The following ICA1 variants were observed in gnomAD, a reference collection of about 807,000 sequenced individuals.
ICA1 encodes islet cell autoantigen 1, also known as 69 kDa islet cell autoantigen.
Under a neutral mutation model 71.0 loss-of-function variants are expected in ICA1, and 40 were observed. That is an observed-to-expected ratio of 0.56 (90% CI 0.44 to 0.73). ICA1 has a LOEUF of 0.73. ICA1 is among the 30% of genes least tolerant of loss of function. The probability of loss-of-function intolerance (pLI) is 0.00; values close to 1 mark genes in which losing one functional copy is unlikely to be tolerated. For synonymous variants in ICA1, 207 were observed against 209.5 expected, an observed-to-expected ratio of 0.99 and a Z score of 0.10; for missense variants, 578 against 576.5, an observed-to-expected ratio of 1.00 and a Z score of -0.03.
intron 1 of ICA1, among the ~76,000 whole-genome samples, chr7:8,242,416 G>A (rs1804299586): frequency 6.6e-6 from 1 of 152,144 alleles, no homozygotes. Context: ...ATTTAAAGCA[G>A]TGTATAGAGG....
At chr7:8,152,901 A>C (rs1800040942) in intron 8 of ICA1, among the ~76,000 whole-genome samples, 1 of 67,846 alleles carries the variant, frequency 1.5e-5, no homozygotes, top group Non-Finnish European at 3.2e-5. Flanking sequence ...TACCACCATT[A>C]TCTCCTTCAT....
chr7:8,152,812 C>CCACCACCAT (rs1799850611), intron 8 of ICA1, among the ~76,000 whole-genome samples: 1 of 137,760 alleles, frequency 7.3e-6, no homozygotes, highest in Non-Finnish European at 1.6e-5. Flanking sequence ...ACCACCACCA[C>CCACCACCAT]CATCTCCTTC....
chr7:8,166,485 T>C (rs1329403518), intron 6 of ICA1, among the ~76,000 whole-genome samples: 1 of 152,074 alleles, frequency 6.6e-6, no homozygotes. Context: ...CATACAAAAA[T>C]ATCAACTCAA....
intron 13 of ICA1, 48 bp downstream of exon 13, chr7:8,127,825 A>G (rs1000903745): frequency 2.6e-6 from 4 of 1,531,354 alleles, no homozygotes; most frequent in South Asian, 2.5e-5. Context: ...TTGAAAACAA[A>G]AAGAATGAAC....
At chr7:8,179,964 C>A (rs546052070) in intron 6 of ICA1, among the ~76,000 whole-genome samples, 2 of 152,140 alleles carry the variant, frequency 1.3e-5, no homozygotes, top group South Asian at 2.1e-4. Flanking sequence ...GTAAGCTCTA[C>A]GACTCTATTC....
intron 5 of ICA1, among the ~76,000 whole-genome samples, chr7:8,220,108 AT>A (rs1360115578): frequency 6.6e-6 from 1 of 152,200 alleles, no homozygotes; most frequent in African/African-American, 2.4e-5. Context: ...ATGAATATGT[AT>A]TTTTACATAG....
rs557182585 is a variant in ICA1 at position 8,222,026 on chromosome 7, T to C, written c.257-628A>G. Among the ~76,000 whole-genome samples the C allele has an allele frequency of 6.6e-5, 10 of 152,126 alleles. No homozygotes were observed. The highest frequency in any genetic ancestry group is 2.1e-4 in the South Asian group (1 of 4,826). On this transcript the variant is annotated intron_variant, in intron 4 of 13. Coordinates refer to ENST00000402384, the MANE Select transcript of ICA1 (RefSeq NM_001136020.3). The surrounding 1 kb of genome is among the most constrained non-coding windows in gnomAD (Gnocchi z 4.8). ...TTAAAGACAACCTCAGATGGTATTATTGGTGGGTAAGTGATTTGGTGCAAG... is the reference window on the plus strand; with the variant it reads ...TTAAAGACAACCTCAGATGGTATTACTGGTGGGTAAGTGATTTGGTGCAAG...
intron 1 of ICA1, among the ~76,000 whole-genome samples, chr7:8,250,017 C>G (rs1245218538): frequency 6.6e-6 from 1 of 152,176 alleles, no homozygotes; most frequent in Non-Finnish European, 1.5e-5. Context: ...GGCCTGAGAG[C>G]ACAAAGCCAA....
At chr7:8,195,750 C>T (rs895435555) in intron 6 of ICA1, among the ~76,000 whole-genome samples, 5 of 151,978 alleles carry the variant, frequency 3.3e-5, no homozygotes, top group African/African-American at 9.7e-5. Flanking sequence ...GAGGCCAAGG[C>T]GGGAGGATCA....
intron 13 of ICA1, among the ~76,000 whole-genome samples, chr7:8,117,953 C>T (rs1055230048): frequency 6.6e-6 from 1 of 152,210 alleles, no homozygotes. Flanking sequence ...TCCTAGAGTC[C>T]TGAGCCCCTG....
Position 8,138,969 on chromosome 7 carries a change from C to T in ICA1, c.1018+16G>A. 1.2e-6 allele frequency: 2 copies of T among 1,608,868 alleles called. No homozygotes were observed. Among genetic ancestry groups the T allele is most frequent in the Non-Finnish European group, 1.7e-6 (2 of 1,175,580 alleles). The stretch of plus-strand genomic sequence containing the variant: ...CAAATAATTAAAATTGAGTAGTTTT[C>T]CTTAATCTAGGTTACCTGAGCATGC... On this transcript the variant is annotated intron_variant, in intron 11 of 13. Coordinates refer to ENST00000402384, the MANE Select transcript of ICA1 (RefSeq NM_001136020.3).
chr7:8,142,006 T>C (rs1795423562), intron 9 of ICA1, 189 bp from the exon 10 acceptor site: 3 of 1,491,418 alleles, frequency 2.0e-6, no homozygotes, highest in Non-Finnish European at 2.7e-6. Context: ...TTCTGTAGCA[T>C]CTTAATATCT....
Position 8,206,286 on chromosome 7 carries a change from C to T in ICA1, c.579+12019G>A, listed in dbSNP as rs958169215. Reference sequence around the variant, plus strand: ...TCCTTCCATCCCTAAGTGACTTCACCTCCTCACATGGCTCTCCCTGCTGAT... The same window carrying T: ...TCCTTCCATCCCTAAGTGACTTCACTTCCTCACATGGCTCTCCCTGCTGAT... On this transcript the variant is annotated intron_variant, in intron 6 of 13. Coordinates refer to ENST00000402384, the MANE Select transcript of ICA1 (RefSeq NM_001136020.3). Among the ~76,000 whole-genome samples the T allele has an allele frequency of 1.2e-4, 19 of 152,100 alleles. 2 individuals carry two copies. The highest frequency in any genetic ancestry group is 8.5e-4 in the Admixed American group (13 of 15,272).
intron 12 of ICA1, among the ~76,000 whole-genome samples, chr7:8,128,778 A>G (rs541883733): frequency 3.9e-5 from 6 of 152,338 alleles, no homozygotes; most frequent in African/African-American, 1.4e-4. Context: ...TAAAAGGGAA[A>G]GAGGCTGCGA....
intron 6 of ICA1, among the ~76,000 whole-genome samples, chr7:8,177,416 T>A (rs1780955812): frequency 6.6e-6 from 1 of 152,188 alleles, no homozygotes; most frequent in South Asian, 2.1e-4. Context: ...TTCAGGTCAT[T>A]AGTGGAAGCA....
intron 8 of ICA1, among the ~76,000 whole-genome samples, chr7:8,151,620 A>G (rs1288237095): frequency 6.6e-6 from 1 of 152,230 alleles, no homozygotes; most frequent in Non-Finnish European, 1.5e-5. Context: ...AGGGATATTT[A>G]CCCAATTTTC....
intron 6 of ICA1, among the ~76,000 whole-genome samples, chr7:8,217,639 T>A (rs527419062): frequency 6.6e-6 from 1 of 152,340 alleles, no homozygotes; most frequent in Admixed American, 6.5e-5. Flanking sequence ...TGCATTTTCA[T>A]AAATATTCAG....
At chr7:8,117,997 T>C (rs1286530916) in intron 13 of ICA1, among the ~76,000 whole-genome samples, 1 of 152,246 alleles carries the variant, frequency 6.6e-6, no homozygotes, top group African/African-American at 2.4e-5. Flanking sequence ...CATCTTTATA[T>C]CCTTTAGTGC....
intron 6 of ICA1, among the ~76,000 whole-genome samples, chr7:8,206,263 C>T (rs1791510534): frequency 6.6e-6 from 1 of 152,028 alleles, no homozygotes; most frequent in Admixed American, 6.6e-5. Flanking sequence ...AGTTTTGATC[C>T]TTCCATCCCT....
Sources: gnomAD v4.1 joint callset for allele counts (sites outside exome capture counted in the v4.1 genomes callset) on GRCh38, gnomAD v4.1.1 for gene constraint, Gnocchi (gnomAD v3.1) non-coding constraint, MANE v1.5 for transcripts, NCBI Gene and HGNC (gene_info 2026-07-23, HGNC 2026-07-21) for gene names.